The following TDRD9 variants were observed in gnomAD, a reference collection of about 807,000 sequenced individuals.
The protein encoded by TDRD9 is ATP-dependent RNA helicase TDRD9.
Under a neutral mutation model 172.6 loss-of-function variants are expected in TDRD9, and 124 were observed. That is an observed-to-expected ratio of 0.72 (90% CI 0.62 to 0.83). The LOEUF (loss-of-function observed/expected upper bound fraction) is 0.83. TDRD9 is among the 40% of genes least tolerant of loss of function. The probability of loss-of-function intolerance (pLI) is 0.00; values close to 1 mark genes in which losing one functional copy is unlikely to be tolerated. For synonymous variants in TDRD9, 619 were observed against 617.1 expected (o/e 1.00, Z -0.05); for missense variants, 1,479 against 1,714.1 (o/e 0.86, Z 2.42).
chr14:103,952,727 CTCTTTTTTT>C (rs2152128349), intron 1 of TDRD9, among the ~76,000 whole-genome samples: 1 of 86,582 alleles, frequency 1.2e-5, no homozygotes, highest in South Asian at 4.4e-4. Context: ...GGAATTCTCT[CTCTTTTTTT>C]TTTTTTTTTT....
intron 14 of TDRD9, 144 bp downstream of exon 14, chr14:104,004,479 C>A (rs1198295967): frequency 4.3e-6 from 2 of 463,480 alleles, no homozygotes; most frequent in Non-Finnish European, 7.9e-6. Context: ...CCCGGGTTTA[C>A]GCGATTCTGC....
chr14:103,948,888 C>CAAA (rs57817688), intron 1 of TDRD9, among the ~76,000 whole-genome samples: 28,996 of 114,236 alleles, frequency 0.25, 4,196 homozygotes, highest in Admixed American at 0.36. Context: ...GACTCCATCT[C>CAAA]AAAAAAAAAA....
intron 6 of TDRD9, among the ~76,000 whole-genome samples, chr14:103,974,018 C>T (rs770039546): frequency 1.7e-4 from 26 of 152,016 alleles, no homozygotes; most frequent in Non-Finnish European, 1.9e-4. Context: ...GGCAACATGG[C>T]GAAACCCTGC....
chr14:103,947,774 A>G (rs1366479900), intron 1 of TDRD9, among the ~76,000 whole-genome samples: 1 of 152,226 alleles, frequency 6.6e-6, no homozygotes, highest in African/African-American at 2.4e-5. Context: ...CAAAACCCTT[A>G]GGGGAAAACT....
rs60710970 is a variant in TDRD9 at position 104,029,358 on chromosome 14, T to C, written c.3283-1750T>C. On this transcript the variant is annotated intron_variant, in intron 28 of 35. Transcript: ENST00000409874. ...TTTGTGTCCTCTTCAATTGCTTTAATTGATATTTTGTAGTTTTCATTATAG... is the reference window on the plus strand; with the variant it reads ...TTTGTGTCCTCTTCAATTGCTTTAACTGATATTTTGTAGTTTTCATTATAG... 8.3e-3 allele frequency among the ~76,000 whole-genome samples: 1,258 copies of C among 152,308 alleles called. 16 individuals are homozygous for C. The highest frequency in any genetic ancestry group is 0.029 in the African/African-American group (1,191 of 41,576).
At position 103,994,580 on chromosome 14, in the gene TDRD9, A is replaced by C; in HGVS notation, c.1297A>C (p.Ser433Arg). Reference sequence around the variant, plus strand: ...AGAAGAACAGAATAATGTCTTTTTAAGTCCAGTCCCTGGGTACAGAAAGGT... The same window carrying C: ...AGAAGAACAGAATAATGTCTTTTTACGTCCAGTCCCTGGGTACAGAAAGGT... Reference protein sequence around the residue: ...ALEEQNNVFLSPVPGYRKIIL... With the variant: ...ALEEQNNVFLRPVPGYRKIIL... The change falls in exon 11 of 36, where the codon AGT (serine) becomes CGT (arginine). Residue 433 changes from serine (S) to arginine (R), a missense_variant. Coordinates refer to ENST00000409874, the MANE Select transcript of TDRD9 (RefSeq NM_153046.3). 1 of 1,613,706 alleles carries C rather than the reference A, an allele frequency of 6.2e-7. No individual in the cohort carries two copies. The highest frequency in any genetic ancestry group is 2.2e-5 in the East Asian group (1 of 44,870).
chr14:103,955,768 C>CCCA lies in TDRD9; in HGVS notation c.320_321insCCA (p.Pro107_Gly108insGln). ...CGCAGTGTCCAACCAACCAGTGGGC[C>CCCA]AGGTAAACAGGTCTCTTTAAATATT... On this transcript the variant is annotated inframe_insertion and splice_region_variant, in exon 2 of 36. Coordinates refer to ENST00000409874, the MANE Select transcript of TDRD9 (RefSeq NM_153046.3). 6.5e-7 allele frequency: 1 copy of CCCA among 1,550,030 alleles called. No individual in the cohort carries two copies. Among genetic ancestry groups the CCCA allele is most frequent in the Non-Finnish European group, 8.7e-7 (1 of 1,146,108 alleles).
chr14:104,010,700 T>C (rs927499750), intron 20 of TDRD9, among the ~76,000 whole-genome samples: 2 of 152,170 alleles, frequency 1.3e-5, no homozygotes, highest in South Asian at 2.1e-4. Context: ...TTACTATCAT[T>C]ATCAAGTACA....
chr14:103,933,020 A>G (rs1037180652), intron 1 of TDRD9, among the ~76,000 whole-genome samples: 1 of 152,168 alleles, frequency 6.6e-6, no homozygotes, highest in African/African-American at 2.4e-5. Flanking sequence ...AAGGTGAGTA[A>G]CACCTTACTC....
In TDRD9 at chr14:104,040,291, A is replaced by G. The variant is rs995962839; in HGVS notation, c.3812A>G (p.Glu1271Gly). 12 of 1,551,462 alleles carry G rather than the reference A, an allele frequency of 7.7e-6. No homozygotes were observed. Among genetic ancestry groups the G allele is most frequent in the Non-Finnish European group, 8.7e-6 (10 of 1,146,836 alleles). ...TCCATACTGCCCGAGCACGACATGG[A>G]GCTTGCGTTTGACGTTCAATTCAGC... ...GASILPEHDMELAFDVQFSVE... is the reference protein window; with the variant it reads ...GASILPEHDMGLAFDVQFSVE... The change falls in exon 33 of 36, where the codon GAG (glutamate) becomes GGG (glycine). Residue 1271 changes from glutamate to glycine, a missense_variant. Glu to Gly is a moderately conservative substitution (Grantham distance 98, BLOSUM62 -2). Coordinates refer to ENST00000409874, the MANE Select transcript of TDRD9 (RefSeq NM_153046.3).
chr14:103,973,838 A>G (rs1026403191), intron 6 of TDRD9, among the ~76,000 whole-genome samples: 4 of 152,200 alleles, frequency 2.6e-5, no homozygotes, highest in Non-Finnish European at 5.9e-5. Context: ...TTTGTATCTC[A>G]TTCCAAAGGG....
intron 8 of TDRD9, among the ~76,000 whole-genome samples, chr14:103,986,846 T>C (rs1595949984): frequency 6.6e-6 from 1 of 152,180 alleles, no homozygotes; most frequent in Admixed American, 6.5e-5. Context: ...CTGGGCGCGG[T>C]GGCTCATGCC....
chr14:103,971,219 G>A (rs903289012), intron 6 of TDRD9, among the ~76,000 whole-genome samples: 3 of 151,916 alleles, frequency 2.0e-5, no homozygotes, highest in Non-Finnish European at 4.4e-5. Flanking sequence ...TCCTGACCTC[G>A]TGATCCGCCC....
rs1343962171 is a variant in TDRD9 at position 103,938,432 on chromosome 14, A to ATTT, written c.215+9709_215+9710insTTT. Among the ~76,000 whole-genome samples the ATTT allele has an allele frequency of 1.4e-3, 53 of 37,154 alleles. 3 individuals carry two copies. The highest frequency in any genetic ancestry group is 4.0e-3 in the African/African-American group (38 of 9,458). 24.4% of individuals were successfully genotyped at this position (37,154 alleles called of 152,430 possible). A position where few individuals can be genotyped will look rare whatever the true frequency, so the allele number is the denominator to read the frequency against. ...TGTGTGTGTATATATATATATATATATATATATATTTTTTTTTTTTTTTTG... is the reference window on the plus strand; with the variant it reads ...TGTGTGTGTATATATATATATATATATTTTATATATATTTTTTTTTTTTTTTTG... On this transcript the variant is annotated intron_variant, in intron 1 of 35. Transcript: ENST00000409874.
At chr14:103,962,604 C>G (rs1351256454) in intron 2 of TDRD9, among the ~76,000 whole-genome samples, 2 of 152,092 alleles carry the variant, frequency 1.3e-5, no homozygotes, top group African/African-American at 4.8e-5. Context: ...AACACAGTAC[C>G]CAGTAGGAAG....
At chr14:104,018,726 T>TTATG (rs1346882463) in intron 23 of TDRD9, among the ~76,000 whole-genome samples, 2 of 152,220 alleles carry the variant, frequency 1.3e-5, no homozygotes, top group Non-Finnish European at 2.9e-5. Context: ...CAGGAAATGT[T>TTATG]TATGTACCAA....
intron 2 of TDRD9, among the ~76,000 whole-genome samples, chr14:103,959,313 G>T (rs1163660704): frequency 6.6e-6 from 1 of 152,088 alleles, no homozygotes; most frequent in African/African-American, 2.4e-5. Flanking sequence ...GCCCAGGTAG[G>T]CCTTGAACTC....
chr14:104,026,203 G>GGTC lies in TDRD9; in HGVS notation c.3021+68_3021+70dup, dbSNP rs2035112618. 12 of 1,090,152 alleles carry GGTC rather than the reference G, an allele frequency of 1.1e-5. No individual in the cohort carries two copies. In the South Asian group the frequency reaches 1.6e-4, roughly 14 times the overall value. 67.5% of individuals were successfully genotyped at this position (1,090,152 alleles called of 1,614,324 possible). A position where few individuals can be genotyped will look rare whatever the true frequency, so the allele number is the denominator to read the frequency against. ...GACAGGATTCCTGGGTGGATTCCTG[G>GGTC]GTCATATGGTGCCCTGCCTCGGCTT... On this transcript the variant is annotated intron_variant, in intron 27 of 35. Transcript: ENST00000409874.
At chr14:103,989,957 C>A (rs4900606) in intron 8 of TDRD9, among the ~76,000 whole-genome samples, 3,433 of 152,352 alleles carry the variant, frequency 0.023, 146 homozygotes, top group Admixed American at 0.12. Flanking sequence ...TCCTTATTAT[C>A]AGTCTTGCCA....
Sources: allele counts gnomAD v4.1 joint callset (sites outside exome capture counted in the v4.1 genomes callset), GRCh38; gene constraint gnomAD v4.1.1; transcripts MANE v1.5; gene names NCBI Gene and HGNC (gene_info 2026-07-23, HGNC 2026-07-21).